DLAT: variants seen among roughly 807,000 people sequenced by gnomAD.
The protein encoded by DLAT is dihydrolipoamide S-acetyltransferase.
Under a neutral mutation model 68.0 loss-of-function variants are expected in DLAT, and 43 were observed. The ratio of observed to expected loss-of-function variants is 0.63; its 90% CI spans 0.50 to 0.81. The LOEUF (loss-of-function observed/expected upper bound fraction) is 0.81, where lower values mean the gene tolerates loss of function less well. Among genes scored for constraint, DLAT ranks in the 40% least tolerant of loss-of-function variants. The pLI, the probability that DLAT is intolerant of heterozygous loss-of-function variation, is 0.00. For missense variants in DLAT, 745 were observed against 815.4 expected, an observed-to-expected ratio of 0.91 and a Z score of 1.05; for synonymous variants, 265 against 288.6, an observed-to-expected ratio of 0.92 and a Z score of 0.83.
intron 5 of DLAT, among the ~76,000 whole-genome samples, 162 bp from the exon 6 acceptor site, chr11:112,037,111 A>G (rs1862816070): frequency 6.6e-6 from 1 of 152,210 alleles, no homozygotes; most frequent in African/African-American, 2.4e-5. Context: ...TTATCCCCGT[A>G]TTGTAGGTAA....
rs1861930679 is a variant in DLAT, at chr11:112,025,451, G to C, written c.-22G>C. ...ACTCCGGAGACGGCGTTGGTTTTGG[G>C]GTGTGGGGGGTTGGTGGCACTATGT... is the stretch of plus-strand genomic sequence containing the variant. On this transcript the variant is annotated 5_prime_UTR_variant, in exon 1 of 14. Transcript: ENST00000280346. 2.5e-6 allele frequency: 4 copies of C among 1,606,782 alleles called. No homozygotes were observed. The highest frequency in any genetic ancestry group is 3.4e-6 in the Non-Finnish European group (4 of 1,178,244).
At chr11:112,029,658 T>C (rs587640039) in intron 4 of DLAT, among the ~76,000 whole-genome samples, 217 of 151,728 alleles carry the variant, frequency 1.4e-3, no homozygotes, top group East Asian at 2.3e-3. Flanking sequence ...TTTTTTTTTT[T>C]CCACATACAA....
At chr11:112,056,000 T>A (rs587605525) in intron 11 of DLAT, among the ~76,000 whole-genome samples, 4 of 151,326 alleles carry the variant, frequency 2.6e-5, no homozygotes, top group Non-Finnish European at 1.5e-5. Flanking sequence ...CCCGAGTAGC[T>A]GGGACTACAG....
intron 11 of DLAT, among the ~76,000 whole-genome samples, chr11:112,059,538 G>A (rs934434815): frequency 7.2e-5 from 11 of 151,944 alleles, no homozygotes; most frequent in African/African-American, 2.2e-4. Flanking sequence ...CACTACAGCT[G>A]TGCACCACCA....
chr11:112,026,308 T>G lies in DLAT; in HGVS notation c.381+9T>G, dbSNP rs1363476657. The stretch of plus-strand genomic sequence containing the variant: ...GTGACCTAATTGCAGAGGTAAGTTT[T>G]TTTTTTTTTTTTTAATTAATTTATT... On this transcript the variant is annotated intron_variant, in intron 2 of 13. Coordinates refer to ENST00000280346, the MANE Select transcript of DLAT (RefSeq NM_001931.5). The G allele has an allele frequency of 1.2e-5, 16 of 1,355,234 alleles. No homozygotes were observed. The highest frequency in any genetic ancestry group is 2.9e-5 in the Admixed American group (1 of 34,802). The allele number at this position is 1,355,234 out of a possible 1,614,324, so 84.0% of individuals were successfully genotyped here.
At chr11:112,026,168 A>T in intron 1 of DLAT, 30 bp from the exon 2 acceptor site, 2 of 1,545,664 alleles carry the variant, frequency 1.3e-6, no homozygotes, top group Middle Eastern at 1.7e-4. Context: ...GTCCTTAAAA[A>T]TTTTAATGTT....
At chr11:112,049,094 C>T (rs186810385) in intron 10 of DLAT, among the ~76,000 whole-genome samples, 1 of 151,116 alleles carries the variant, frequency 6.6e-6, no homozygotes, top group East Asian at 2.0e-4. Flanking sequence ...ATTCTCCTGC[C>T]TCAGCCTCCC....
chr11:112,063,888 C>A lies in DLAT; in HGVS notation c.*1353C>A. On this transcript the variant is annotated 3_prime_UTR_variant, in exon 14 of 14. Coordinates refer to ENST00000280346, the MANE Select transcript of DLAT (RefSeq NM_001931.5). ...TTATTTATGACTACTTAAAATGAATCTGACCAGTGCTTCCTGGTATATGTA... is the reference window on the plus strand; with the variant it reads ...TTATTTATGACTACTTAAAATGAATATGACCAGTGCTTCCTGGTATATGTA... The A allele has an allele frequency of 3.5e-6, 1 of 288,688 alleles. No homozygotes were observed. The highest frequency in any genetic ancestry group is 6.3e-6 in the Non-Finnish European group (1 of 157,638). 17.9% of individuals were successfully genotyped at this position (288,688 alleles called of 1,614,324 possible).
At chr11:112,027,524 G>C (rs1862126745) in intron 2 of DLAT, among the ~76,000 whole-genome samples, 4 of 151,912 alleles carry the variant, frequency 2.6e-5, no homozygotes, top group South Asian at 2.1e-4. Context: ...CTGCAATCTC[G>C]GCACTTTGGG....
Position 112,064,108 on chromosome 11 carries a change from A to G in DLAT, c.*1573A>G, listed in dbSNP as rs1864803578. The G allele has an allele frequency of 1.5e-6, 2 of 1,375,154 alleles. No homozygotes were observed. The highest frequency in any genetic ancestry group is 2.0e-6 in the Non-Finnish European group (2 of 1,020,580). The allele number at this position is 1,375,154 out of a possible 1,614,324, so 85.2% of individuals were successfully genotyped here. ...GTAATTTTAGGTTGAAGATTATCCA[A>G]AAGAAACAAGCTTATCACAAGGGAC... On this transcript the variant is annotated 3_prime_UTR_variant, in exon 14 of 14. Transcript: ENST00000280346.
chr11:112,060,318 G>A lies in DLAT; in HGVS notation c.1677+253G>A, dbSNP rs587714841. Among the ~76,000 whole-genome samples the A allele has an allele frequency of 4.6e-5, 7 of 151,676 alleles. 1 individual carries two copies. The South Asian group carries it at 1.3e-3, about 27-fold the overall frequency. ...TGGGACTACAGGCACCTGCCACCACGCCCGGCTAGTTTTTTGTATTTTTAG... is the reference window on the plus strand; with the variant it reads ...TGGGACTACAGGCACCTGCCACCACACCCGGCTAGTTTTTTGTATTTTTAG... On this transcript the variant is annotated intron_variant, in intron 12 of 13. Coordinates refer to ENST00000280346, the MANE Select transcript of DLAT (RefSeq NM_001931.5).
rs587657972 is a variant in DLAT, at chr11:112,026,090, A to G, written c.280-108A>G. On this transcript the variant is annotated intron_variant, in intron 1 of 13. Transcript: ENST00000280346. ...TGGCATCCCTAGTTCCCAATGTGCA[A>G]TGGAACTGTATACACTTTGCATGAA... is the stretch of plus-strand genomic sequence containing the variant. 72 of 934,308 alleles carry G rather than the reference A, an allele frequency of 7.7e-5. 1 individual carries two copies. The South Asian group carries it at 9.8e-4, about 13-fold the overall frequency. 57.9% of individuals were successfully genotyped at this position (934,308 alleles called of 1,614,324 possible). A position where few individuals can be genotyped will look rare whatever the true frequency, so the allele number is the denominator to read the frequency against.
At chr11:112,031,234 C>T (rs1304473999) in intron 4 of DLAT, among the ~76,000 whole-genome samples, 1 of 152,096 alleles carries the variant, frequency 6.6e-6, no homozygotes, top group Non-Finnish European at 1.5e-5. Context: ...TCCGCATAAT[C>T]CTGTTGCTAA....
chr11:112,039,225 T>C lies in DLAT; in HGVS notation c.976-19T>C. ...TTTGAAGTGGTGAATTAAAACAATT[T>C]GTAATTTTTTTTCAAAAGGTGGCCG... is the stretch of plus-strand genomic sequence containing the variant. On this transcript the variant is annotated intron_variant, in intron 6 of 13. Transcript: ENST00000280346. The C allele has an allele frequency of 6.2e-7, 1 of 1,613,858 alleles. No individual in the cohort carries two copies. Among genetic ancestry groups the C allele is most frequent in the Non-Finnish European group, 8.5e-7 (1 of 1,179,830 alleles).
At chr11:112,027,647 C>T (rs1450044137) in intron 2 of DLAT, among the ~76,000 whole-genome samples, 4 of 152,042 alleles carry the variant, frequency 2.6e-5, no homozygotes, top group South Asian at 4.2e-4. Flanking sequence ...TCTGCAATCC[C>T]GGCACCTCGG....
intron 7 of DLAT, among the ~76,000 whole-genome samples, chr11:112,041,269 A>G (rs1863038722): frequency 6.6e-6 from 1 of 152,228 alleles, no homozygotes; most frequent in African/African-American, 2.4e-5. Context: ...GTACAGAGAA[A>G]GCATATCTAG....
Position 112,025,602 on chromosome 11 carries a change from C to A in DLAT, c.130C>A (p.Arg44Ser). The A allele has an allele frequency of 6.2e-7, 1 of 1,613,972 alleles. No homozygotes were observed. The highest frequency in any genetic ancestry group is 8.5e-7 in the Non-Finnish European group (1 of 1,180,000). ...VTSRSGPAPARRNSVTTGYGG... is the reference protein window; with the variant it reads ...VTSRSGPAPASRNSVTTGYGG... ...CTCGCGATCTGGCCCGGCTCCCGCT[C>A]GTCGCAACAGCGTGACTACAGGGTA... The change falls in exon 1 of 14, where the codon CGT (arginine) becomes AGT (serine). Residue 44 changes from arginine to serine, a missense_variant. Physicochemically the swap from Arg to Ser is moderately radical, Grantham distance 110 (BLOSUM62 -1). Coordinates refer to ENST00000280346, the MANE Select transcript of DLAT (RefSeq NM_001931.5).
Position 112,061,183 on chromosome 11 carries a change from C to G in DLAT, c.1814+9C>G, listed in dbSNP as rs782142036. On this transcript the variant is annotated intron_variant, in intron 13 of 13. Transcript: ENST00000280346. ...GCAGATAATGAAAAAGGGTAAGTGC[C>G]AAAATGGAGGGGAAGTCGTAAGCTA... 6.2e-7 allele frequency: 1 copy of G among 1,613,758 alleles called. No individual in the cohort carries two copies. The highest frequency in any genetic ancestry group is 1.7e-5 in the Admixed American group (1 of 59,980).
At chr11:112,043,899 T>G (rs1363345028) in intron 8 of DLAT, among the ~76,000 whole-genome samples, 1 of 152,184 alleles carries the variant, frequency 6.6e-6, no homozygotes, top group Non-Finnish European at 1.5e-5. Flanking sequence ...GGACAAAAAG[T>G]CTGTACTTGT....
Sources: gnomAD v4.1 joint callset for allele counts (sites outside exome capture counted in the v4.1 genomes callset) on GRCh38, gnomAD v4.1.1 for gene constraint, MANE v1.5 for transcripts, NCBI Gene and HGNC (gene_info 2026-07-23, HGNC 2026-07-21) for gene names.